The following DUSP15 variants were observed in gnomAD, a reference collection of about 807,000 sequenced individuals.
DUSP15 encodes dual specificity protein phosphatase 15.
DUSP15 carries 23 observed loss-of-function variants against 26.3 expected under a neutral mutation model. The observed-to-expected ratio is 0.87, with a 90% CI of 0.63 to 1.24. DUSP15 has a LOEUF of 1.24. Ranked by LOEUF, DUSP15 falls within the 50% of genes most tolerant of loss-of-function variation. The pLI is 0.00. For missense variants in DUSP15, 364 were observed against 320.6 expected, an observed-to-expected ratio of 1.14 and a Z score of -1.03; for synonymous variants, 143 against 135.5, an observed-to-expected ratio of 1.06 and a Z score of -0.39.
chr20:31,861,564 C>A lies in DUSP15; in HGVS notation c.547G>T (p.Ala183Ser). 2 of 1,501,256 alleles carry A rather than the reference C, an allele frequency of 1.3e-6. 1 individual carries two copies. Among genetic ancestry groups the A allele is most frequent in the Non-Finnish European group, 1.8e-6 (2 of 1,133,440 alleles). The allele number at this position is 1,501,256 out of a possible 1,614,324, so 93.0% of individuals were successfully genotyped here. Residue 183 changes from alanine (A) to serine (S), a missense_variant, in exon 7 of 7, where the codon GCC becomes TCC. Coordinates refer to ENST00000339738, the MANE Select transcript of DUSP15 (RefSeq NM_080611.5). ...GCTGAGTGCGGCCCGGCGGAGGAGGCCGAGGTCGCGGAGCCCTGCCGGCAG... is the reference window on the plus strand; with the variant it reads ...GCTGAGTGCGGCCCGGCGGAGGAGGACGAGGTCGCGGAGCCCTGCCGGCAG... ...KRCRQGSATS[A>S]SSAGPHSAAS...
At chr20:31,847,205 G>C (rs1600423706), downstream of DUSP15, among the ~76,000 whole-genome samples, 1 of 152,218 alleles carries the variant, frequency 6.6e-6, no homozygotes, top group African/African-American at 2.4e-5. Context: ...CTGAGGCTCA[G>C]AGAAGGTAAG....
At chr20:31,854,838 T>A (rs1021194673) in intron 6 of DUSP15, among the ~76,000 whole-genome samples, 1 of 152,206 alleles carries the variant, frequency 6.6e-6, no homozygotes, top group African/African-American at 2.4e-5. Context: ...AATTAGGGAC[T>A]AAGGAACCAT....
At chr20:31,861,925 C>T (rs1160354568) in intron 6 of DUSP15, among the ~76,000 whole-genome samples, 1 of 152,156 alleles carries the variant, frequency 6.6e-6, no homozygotes, top group Non-Finnish European at 1.5e-5. Context: ...ACGCCAGCTT[C>T]CAGACCTGCT....
At chr20:31,860,069 T>A (rs562711401), downstream of DUSP15, among the ~76,000 whole-genome samples, 1 of 152,232 alleles carries the variant, frequency 6.6e-6, no homozygotes, top group Non-Finnish European at 1.5e-5. Flanking sequence ...TATTTTTTAT[T>A]TGCTGTCTTC....
intron 2 of DUSP15, 92 bp from the exon 3 acceptor site, chr20:31,867,245 T>C (rs2123297719): frequency 8.7e-7 from 1 of 1,152,428 alleles, no homozygotes; most frequent in Non-Finnish European, 1.3e-6. Flanking sequence ...CAGCTCTCCC[T>C]CTCACCCCAC....
rs758076304 is a variant in DUSP15, at chr20:31,848,834, T to A, written c.698A>T (p.His233Leu). Reference sequence around the variant, plus strand: ...CGCCATGATGAGCTGCTCCTTGGGGTGCTGTGTGGGGCCCGGGTCCTCCTC... The same window carrying A: ...CGCCATGATGAGCTGCTCCTTGGGGAGCTGTGTGGGGCCCGGGTCCTCCTC... Residue 233 changes from histidine (H) to leucine (L), a missense_variant, in exon 9 of 10, where the codon CAC becomes CTC. Coordinates refer to the DUSP15 transcript ENST00000278979. 3 of 1,611,868 alleles carry A rather than the reference T, an allele frequency of 1.9e-6. No individual in the cohort carries two copies. In the African/African-American group the frequency reaches 4.0e-5, roughly 22 times the overall value.
chr20:31,846,069 C>G (rs1047468416), downstream of DUSP15, among the ~76,000 whole-genome samples: 1 of 151,644 alleles, frequency 6.6e-6, no homozygotes. Flanking sequence ...CACAGACATA[C>G]ACGTACAGAC....
downstream of DUSP15, among the ~76,000 whole-genome samples, chr20:31,846,293 G>GAC (rs71336552): frequency 0.11 from 15,047 of 140,906 alleles, 773 homozygotes; most frequent in East Asian, 0.15. Flanking sequence ...CACAGACACA[G>GAC]ACACACACAC....
rs1263362874 is a variant in DUSP15 at position 31,861,649 on chromosome 20, G to C, written c.462C>G (p.Phe154Leu). The change falls in exon 7 of 7, where the codon TTC becomes TTG. Residue 154 changes from phenylalanine to leucine, a missense_variant. Coordinates refer to ENST00000339738, the MANE Select transcript of DUSP15 (RefSeq NM_080611.5). Reference sequence around the variant, plus strand: ...CCTCGTCGCGGAAGGGGCTCTCGCCGAAGCGCTCCTCCAGCTGCCGGCGAA... The same window carrying C: ...CCTCGTCGCGGAAGGGGCTCTCGCCCAAGCGCTCCTCCAGCTGCCGGCGAA... ...QKLRRQLEERFGESPFRDEEE... is the reference protein window; with the variant it reads ...QKLRRQLEERLGESPFRDEEE... 1 of 1,275,208 alleles carries C rather than the reference G, an allele frequency of 7.8e-7. No individual in the cohort carries two copies. Among genetic ancestry groups the C allele is most frequent in the Non-Finnish European group, 1.0e-6 (1 of 993,550 alleles). The allele number at this position is 1,275,208 out of a possible 1,614,324, so 79.0% of individuals were successfully genotyped here. A position where few individuals can be genotyped will look rare whatever the true frequency, so the allele number is the denominator to read the frequency against.
Position 31,848,537 on chromosome 20 carries a change from G to T in DUSP15, c.755C>A (p.Ser252Ter). The T allele has an allele frequency of 6.3e-7, 1 of 1,588,478 alleles. No individual in the cohort carries two copies. The highest frequency in any genetic ancestry group is 8.6e-7 in the Non-Finnish European group (1 of 1,168,720). ...GGTTGAGGCACTTAGAGTGCAGGAC[G>T]AGCTCCCAGGCCGAAGCTGCACCTG... The change falls in exon 10 of 10, where the codon TCG (serine) becomes TAG (stop). Residue 252 changes from serine (S) to a stop codon, truncating the protein, a stop_gained. Coordinates refer to the DUSP15 transcript ENST00000278979. LOFTEE classifies it low-confidence loss of function (END_TRUNC).
Position 31,861,550 on chromosome 20 carries a change from C to T in DUSP15, c.561G>A (p.Gly187=). The T allele has an allele frequency of 6.6e-7, 1 of 1,506,184 alleles. No homozygotes were observed. The highest frequency in any genetic ancestry group is 8.8e-7 in the Non-Finnish European group (1 of 1,135,700). The allele number at this position is 1,506,184 out of a possible 1,614,324, so 93.3% of individuals were successfully genotyped here. Residue 187 remains glycine (G), a synonymous_variant, in exon 7 of 7, where the codon GGG becomes GGA. Coordinates refer to ENST00000339738, the MANE Select transcript of DUSP15 (RefSeq NM_080611.5). ...QGSATSASSA[G]PHSAASEGTV... is the part of the protein sequence containing the mutation. Reference sequence around the variant, plus strand: ...TTCCCTCGGAGGCTGCTGAGTGCGGCCCGGCGGAGGAGGCCGAGGTCGCGG... The same window carrying T: ...TTCCCTCGGAGGCTGCTGAGTGCGGTCCGGCGGAGGAGGCCGAGGTCGCGG...
At chr20:31,849,016 C>CCA (rs2062416679) in intron 8 of DUSP15, 2 of 825,238 alleles carry the variant, frequency 2.4e-6, no homozygotes, top group Admixed American at 4.6e-5. Context: ...TCCTGTAAGC[C>CCA]CACATCCCAT....
rs143953436 is a variant in DUSP15 at position 31,862,977 on chromosome 20, A to G, written c.264-235T>C. On this transcript the variant is annotated intron_variant, in intron 5 of 6. Coordinates refer to ENST00000339738, the MANE Select transcript of DUSP15 (RefSeq NM_080611.5). ...GAGTGAAACACCATTCATTCAGTCA[A>G]TAAATATGTCCTGAGCATCTGTTCT... 1.8e-4 allele frequency among the ~76,000 whole-genome samples: 28 copies of G among 152,334 alleles called. 1 individual carries two copies. The highest frequency in any genetic ancestry group is 3.3e-4 in the Admixed American group (5 of 15,302).
intron 5 of DUSP15, 69 bp downstream of exon 5, chr20:31,863,825 TTCCCACAGGGGGA>T (rs2062710602): frequency 1.4e-6 from 2 of 1,412,964 alleles, no homozygotes; most frequent in South Asian, 2.4e-5. Context: ...AGGTCCAACC[TTCCCACAGGGGGA>T]GTGTGTGTTC....
intron 6 of DUSP15, among the ~76,000 whole-genome samples, chr20:31,852,008 CTTT>C (rs59714323): frequency 1.6e-4 from 20 of 127,888 alleles, no homozygotes; most frequent in Non-Finnish European, 1.7e-4. Context: ...TTCTTTCTTT[CTTT>C]TTTTTTTTTT....
chr20:31,861,556 G>A lies in DUSP15; in HGVS notation c.555C>T (p.Ser185=), dbSNP rs1350394227. 6 of 1,503,744 alleles carry A rather than the reference G, an allele frequency of 4.0e-6. No homozygotes were observed. The highest frequency in any genetic ancestry group is 2.9e-5 in the African/African-American group (2 of 69,230). 93.2% of individuals were successfully genotyped at this position (1,503,744 alleles called of 1,614,324 possible). A position where few individuals can be genotyped will look rare whatever the true frequency, so the allele number is the denominator to read the frequency against. The change falls in exon 7 of 7, where the codon TCC becomes TCT. Residue 185 remains serine, a synonymous_variant. Coordinates refer to ENST00000339738, the MANE Select transcript of DUSP15 (RefSeq NM_080611.5). ...CRQGSATSAS[S]AGPHSAASEG... ...CGGAGGCTGCTGAGTGCGGCCCGGC[G>A]GAGGAGGCCGAGGTCGCGGAGCCCT...
chr20:31,857,104 A>G (rs552210055), downstream of DUSP15, among the ~76,000 whole-genome samples: 1 of 152,124 alleles, frequency 6.6e-6, no homozygotes, highest in South Asian at 2.1e-4. Context: ...GAGTTGGTGT[A>G]AGGAGACTCT....
At chr20:31,863,026 G>C (rs765095676) in intron 5 of DUSP15, among the ~76,000 whole-genome samples, 1 of 152,150 alleles carries the variant, frequency 6.6e-6, no homozygotes, top group Non-Finnish European at 1.5e-5. Context: ...GGGATGTAGC[G>C]GGTATAAAAC....
At chr20:31,870,584 T>C, upstream of DUSP15, 2 of 1,427,966 alleles carry the variant, frequency 1.4e-6, no homozygotes, top group Admixed American at 2.7e-5. This position sits in a 1 kb window ranked among gnomAD's most constrained non-coding sequence, Gnocchi z 6.6. Context: ...ACCCCTTCGG[T>C]CATGTGGGGC....
Sources: allele counts gnomAD v4.1 joint callset (sites outside exome capture counted in the v4.1 genomes callset), GRCh38; gene constraint gnomAD v4.1.1; non-coding constraint Gnocchi (gnomAD v3.1); transcripts MANE v1.5; gene names NCBI Gene and HGNC (gene_info 2026-07-23, HGNC 2026-07-21).